The following ZNF584 variants were observed in gnomAD, a reference collection of about 807,000 sequenced individuals.
ZNF584 encodes the protein zinc finger protein 584.
In ZNF584, 12 loss-of-function variants were observed where a neutral mutation model predicts 14.7. The observed-to-expected ratio is 0.82, with a 90% CI of 0.52 to 1.32. The LOEUF (loss-of-function observed/expected upper bound fraction) is 1.32. Among genes scored for constraint, ZNF584 ranks in the 40% most tolerant of loss-of-function variants. The pLI, the probability that ZNF584 is intolerant of heterozygous loss-of-function variation, is 0.00. For synonymous variants in ZNF584, 204 were observed against 190.9 expected, an observed-to-expected ratio of 1.07 and a Z score of -0.57; for missense variants, 478 against 518.8, an observed-to-expected ratio of 0.92 and a Z score of 0.76.
chr19:58,405,919 A>C (rs2052468701), upstream of ZNF584: 1 of 174,362 alleles, frequency 5.7e-6, no homozygotes, highest in African/African-American at 2.4e-5. Flanking sequence ...CCAGGCGGAG[A>C]CGCTCCTCAC....
At chr19:58,409,615 G>T (rs577942753) in intron 1 of ZNF584, among the ~76,000 whole-genome samples, 2 of 152,152 alleles carry the variant, frequency 1.3e-5, no homozygotes, top group African/African-American at 4.8e-5. Context: ...TGGCAGGCAG[G>T]AGATAGAGTG....
upstream of ZNF584, among the ~76,000 whole-genome samples, chr19:58,407,870 T>C (rs1159210924): frequency 2.6e-5 from 4 of 152,284 alleles, no homozygotes; most frequent in African/African-American, 7.2e-5. Context: ...TACTCAGCCA[T>C]GTACTCACTC....
At position 58,408,994 on chromosome 19, in the gene ZNF584, GGCTCC is replaced by G. The variant is rs2052504566; in HGVS notation, c.-152_-148del. ...CCTCCGTACCGTCCTCCTTCCCAGC[GGCTCC>G]GGGAAGCGGTTCCCTGTCTTCGGAC... On this transcript the variant is annotated 5_prime_UTR_variant, in exon 1 of 4. Coordinates refer to ENST00000306910, the MANE Select transcript of ZNF584 (RefSeq NM_173548.3). 5 of 964,772 alleles carry G rather than the reference GGCTCC, an allele frequency of 5.2e-6. No individual in the cohort carries two copies. The highest frequency in any genetic ancestry group is 5.8e-6 in the Non-Finnish European group (4 of 690,160). 59.8% of individuals were successfully genotyped at this position (964,772 alleles called of 1,614,324 possible).
upstream of ZNF584, among the ~76,000 whole-genome samples, chr19:58,407,668 T>C (rs950773299): frequency 1.2e-4 from 18 of 152,190 alleles, no homozygotes; most frequent in Admixed American, 5.2e-4. Context: ...CAGCACTGAG[T>C]GCAAAGTTCT....
At position 58,418,307 on chromosome 19, in the gene ZNF584, T is replaced by C. The variant is rs1281136341; in HGVS notation, c.*523T>C. 1 of 155,532 alleles carries C rather than the reference T, an allele frequency of 6.4e-6. No individual in the cohort carries two copies. The highest frequency in any genetic ancestry group is 2.4e-5 in the African/African-American group (1 of 41,346). The allele number at this position is 155,532 out of a possible 1,614,324, so 9.6% of individuals were successfully genotyped here. A position where few individuals can be genotyped will look rare whatever the true frequency, so the allele number is the denominator to read the frequency against. ...CTGGACTATGTGGTAATAAAGGCTT[T>C]ATTGTTTAAGCCGCTTAAAATTTTT... On this transcript the variant is annotated 3_prime_UTR_variant, in exon 4 of 4. Coordinates refer to ENST00000306910, the MANE Select transcript of ZNF584 (RefSeq NM_173548.3).
At position 58,410,573 on chromosome 19, in the gene ZNF584, G is replaced by GTATATATATATATATGTGTA. The variant is rs1207335393; in HGVS notation, c.169+491_169+492insATATATGTGTATATATATAT. Among the ~76,000 whole-genome samples, 6 of 6,434 alleles carry GTATATATATATATATGTGTA rather than the reference G, an allele frequency of 9.3e-4. 1 individual carries two copies. The highest frequency in any genetic ancestry group is 1.7e-3 in the Non-Finnish European group (5 of 2,928). 4.2% of individuals were successfully genotyped at this position (6,434 alleles called of 152,430 possible). ...TATATATATATGTGTATATATATAT[G>GTATATATATATATATGTGTA]TATATATATGTATATATATGTATAT... On this transcript the variant is annotated intron_variant, in intron 2 of 3. Transcript: ENST00000306910.
At chr19:58,415,260 A>T (rs144765945) in intron 2 of ZNF584, among the ~76,000 whole-genome samples, 3 of 151,770 alleles carry the variant, frequency 2.0e-5, no homozygotes, top group Admixed American at 6.6e-5. Context: ...TGTGATCGTG[A>T]CTCACTGACG....
At chr19:58,416,583 G>A in intron 3 of ZNF584, 1 of 397,846 alleles carries the variant, frequency 2.5e-6, no homozygotes. Flanking sequence ...TGTATTTTTA[G>A]AAGAGATGGG....
chr19:58,410,208 G>C, intron 2 of ZNF584, 117 bp downstream of exon 2: 1 of 1,344,454 alleles, frequency 7.4e-7, no homozygotes, highest in Non-Finnish European at 9.9e-7. Flanking sequence ...ATTCCCTGTT[G>C]TAGGTATTGT....
intron 2 of ZNF584, 102 bp downstream of exon 2, chr19:58,410,193 C>G (rs1262201639): frequency 1.4e-6 from 2 of 1,405,982 alleles, no homozygotes; most frequent in Non-Finnish European, 1.9e-6. Flanking sequence ...CTCTTTCCTT[C>G]CCAGATTCCC....
upstream of ZNF584, among the ~76,000 whole-genome samples, chr19:58,407,553 C>T (rs1210125213): frequency 6.6e-6 from 1 of 152,134 alleles, no homozygotes; most frequent in Non-Finnish European, 1.5e-5. Flanking sequence ...ATGATCTGGG[C>T]CTCAGTGCCA....
At position 58,417,445 on chromosome 19, in the gene ZNF584, C is replaced by T. The variant is rs2052659564; in HGVS notation, c.927C>T (p.Tyr309=). The T allele has an allele frequency of 6.2e-7, 1 of 1,603,228 alleles. No individual in the cohort carries two copies. Reference sequence around the variant, plus strand: ...CAGAATGTGGGAAGTTCTTTAAATACAATAATAGCTTCATTCTTCACCAGA... The same window carrying T: ...CAGAATGTGGGAAGTTCTTTAAATATAATAATAGCTTCATTCTTCACCAGA... The part of the protein sequence containing the change: ...ECTECGKFFK[Y]NNSFILHQRV... The change falls in exon 4 of 4, where the codon TAC becomes TAT. Residue 309 remains tyrosine, a synonymous_variant. Coordinates refer to ENST00000306910, the MANE Select transcript of ZNF584 (RefSeq NM_173548.3).
Position 58,410,043 on chromosome 19 carries a change from C to T in ZNF584, c.121C>T (p.Leu41=), listed in dbSNP as rs1262305526. ...WGLLNVTQKG[L]YRDVMLENFA... The stretch of plus-strand genomic sequence containing the variant: ...GCTCCTTAATGTGACCCAGAAGGGC[C>T]TATACCGGGATGTGATGCTGGAGAA... Residue 41 remains leucine, a synonymous_variant, in exon 2 of 4, where the codon CTA becomes TTA. Coordinates refer to ENST00000306910, the MANE Select transcript of ZNF584 (RefSeq NM_173548.3). 6.2e-7 allele frequency: 1 copy of T among 1,613,892 alleles called. No homozygotes were observed.
chr19:58,410,623 G>GTGTATATA (rs2052547914), intron 2 of ZNF584, among the ~76,000 whole-genome samples: 1 of 42,694 alleles, frequency 2.3e-5, no homozygotes, highest in Non-Finnish European at 3.9e-5. Flanking sequence ...GTGTATATAT[G>GTGTATATA]TGTATATATG....
At chr19:58,405,589 C>T (rs1468309051), upstream of ZNF584, 45 of 161,732 alleles carry the variant, frequency 2.8e-4, no homozygotes, top group Non-Finnish European at 5.2e-4. Flanking sequence ...ACTTCTCAGA[C>T]GGGGCGGCTG....
intron 2 of ZNF584, among the ~76,000 whole-genome samples, chr19:58,410,541 A>AATTTTTTTTTT (rs1555785528): frequency 2.3e-5 from 1 of 43,800 alleles, no homozygotes; most frequent in African/African-American, 1.9e-4. Flanking sequence ...ATATATATAT[A>AATTTTTTTTTT]TATATATATA....
At chr19:58,414,579 T>C (rs1454675891) in intron 2 of ZNF584, among the ~76,000 whole-genome samples, 1 of 151,932 alleles carries the variant, frequency 6.6e-6, no homozygotes, top group Non-Finnish European at 1.5e-5. Flanking sequence ...CCTGACCTCA[T>C]GATCTGCCCG....
In ZNF584 at chr19:58,417,230, G is replaced by C. The variant is rs1254293375; in HGVS notation, c.712G>C (p.Gly238Arg). The C allele has an allele frequency of 6.2e-7, 1 of 1,614,024 alleles. No individual in the cohort carries two copies. Among genetic ancestry groups the C allele is most frequent in the Admixed American group, 1.7e-5 (1 of 59,982 alleles). ...KLRKHQKVHTGIKPFKCSDCG... is the reference protein window; with the variant it reads ...KLRKHQKVHTRIKPFKCSDCG... ...GAGGAAACACCAGAAGGTTCACACAGGCATAAAACCTTTTAAGTGTAGTGA... is the reference window on the plus strand; with the variant it reads ...GAGGAAACACCAGAAGGTTCACACACGCATAAAACCTTTTAAGTGTAGTGA... The change falls in exon 4 of 4, where the codon GGC becomes CGC. Residue 238 changes from glycine to arginine, a missense_variant. Gly to Arg is a moderately radical substitution (Grantham distance 125). This residue lies in a region of ZNF584 where 283 missense variants were observed against 317.3 expected (regional missense o/e 0.89). Coordinates refer to ENST00000306910, the MANE Select transcript of ZNF584 (RefSeq NM_173548.3).
intron 3 of ZNF584, 197 bp from the exon 4 acceptor site, chr19:58,416,614 C>G (rs541419731): frequency 2.4e-4 from 119 of 490,854 alleles, no homozygotes; most frequent in Middle Eastern, 5.4e-4. Flanking sequence ...GTTGGTCAGG[C>G]TGGTCTCGAA....
Sources: allele counts gnomAD v4.1 joint callset (sites outside exome capture counted in the v4.1 genomes callset), GRCh38; gene constraint gnomAD v4.1.1; regional missense constraint gnomAD v4.1.1; transcripts MANE v1.5; gene names NCBI Gene and HGNC (gene_info 2026-07-23, HGNC 2026-07-21).